FBXL7: variants seen among roughly 807,000 people sequenced by gnomAD.
FBXL7 encodes the protein F-box and leucine rich repeat protein 7, also known as F-box/LRR-repeat protein 7.
A neutral mutation model predicts 38.3 loss-of-function variants in FBXL7; 12 were observed. The observed-to-expected ratio is 0.31, with a 90% confidence interval of 0.20 to 0.51. The LOEUF is 0.51. Among genes scored for constraint, FBXL7 ranks in the 20% least tolerant of loss-of-function variants. The probability of loss-of-function intolerance (pLI) is 0.98; values close to 1 mark genes in which losing one functional copy is unlikely to be tolerated. For missense variants in FBXL7, 567 were observed against 676.4 expected (o/e 0.84, Z 1.79); for synonymous variants, 297 against 300.9 (o/e 0.99, Z 0.13).
intron 1 of FBXL7, among the ~76,000 whole-genome samples, chr5:15,561,001 CAT>C (rs1426802055): frequency 6.6e-6 from 1 of 152,154 alleles, no homozygotes; most frequent in Non-Finnish European, 1.5e-5. Flanking sequence ...AGTAAATTAA[CAT>C]ATCCATCATC....
intron 2 of FBXL7, among the ~76,000 whole-genome samples, chr5:15,636,462 A>G (rs917965044): frequency 6.6e-6 from 1 of 152,126 alleles, no homozygotes; most frequent in Admixed American, 6.6e-5. Flanking sequence ...TATTCATCGT[A>G]TCTTTCACAT....
At chr5:15,843,362 G>T (rs150898663) in intron 2 of FBXL7, among the ~76,000 whole-genome samples, 5 of 152,178 alleles carry the variant, frequency 3.3e-5, no homozygotes, top group African/African-American at 1.2e-4. Context: ...TGGCTTTCCT[G>T]TCTAAATGAA....
intron 2 of FBXL7, among the ~76,000 whole-genome samples, chr5:15,750,356 C>T (rs1213172128): frequency 3.9e-5 from 6 of 152,198 alleles, no homozygotes; most frequent in Admixed American, 2.6e-4. Context: ...CTTTCTTCCT[C>T]TTGCAGAATG....
rs139865739 is a variant in FBXL7 at position 15,677,474 on chromosome 5, A to AAGAGAGAGCGAG, written c.127+61410_127+61411insCGAGAGAGAGAG. 1.5e-3 allele frequency among the ~76,000 whole-genome samples: 219 copies of AAGAGAGAGCGAG among 149,198 alleles called. 2 individuals carry two copies. In the South Asian group the frequency reaches 0.018, roughly 12 times the overall value. On this transcript the variant is annotated intron_variant, in intron 2 of 3. Transcript: ENST00000504595. ...GCAGCAACACTCCAAAAAAGAAAGA[A>AAGAGAGAGCGAG]AGAGAGAGAGAGAGAGAAAGAAAGG...
intron 2 of FBXL7, among the ~76,000 whole-genome samples, chr5:15,837,605 T>G (rs1328792562): frequency 6.6e-6 from 1 of 152,226 alleles, no homozygotes; most frequent in Non-Finnish European, 1.5e-5. Flanking sequence ...AAATTCTAGA[T>G]AGAGCTCATT....
chr5:15,578,207 A>T (rs548071839), intron 1 of FBXL7, among the ~76,000 whole-genome samples: 1 of 152,338 alleles, frequency 6.6e-6, no homozygotes, highest in African/African-American at 2.4e-5. Context: ...AATTTCTGCA[A>T]CTTTCTGCCA....
chr5:15,600,992 A>T (rs149402381), intron 1 of FBXL7, among the ~76,000 whole-genome samples: 1 of 152,310 alleles, frequency 6.6e-6, no homozygotes, highest in African/African-American at 2.4e-5. Flanking sequence ...TATTTTCTCC[A>T]CTGTTTCCCT....
intron 2 of FBXL7, among the ~76,000 whole-genome samples, chr5:15,865,923 GC>G (rs768768342): frequency 6.6e-6 from 1 of 152,154 alleles, no homozygotes; most frequent in Non-Finnish European, 1.5e-5. Context: ...CAGGGAAAAT[GC>G]CCACATAAAG....
At chr5:15,927,370 C>T (rs905801417) in intron 2 of FBXL7, among the ~76,000 whole-genome samples, 4 of 152,024 alleles carry the variant, frequency 2.6e-5, no homozygotes, top group African/African-American at 7.2e-5. Flanking sequence ...CTGGAATGGG[C>T]GACACGTGCA....
At chr5:15,545,829 T>C (rs956007156) in intron 1 of FBXL7, among the ~76,000 whole-genome samples, 1 of 152,190 alleles carries the variant, frequency 6.6e-6, no homozygotes, top group African/African-American at 2.4e-5. Flanking sequence ...ATTAGGGCTG[T>C]AAAACCTAGT....
chr5:15,553,722 A>G (rs920039663), intron 1 of FBXL7, among the ~76,000 whole-genome samples: 4 of 151,662 alleles, frequency 2.6e-5, no homozygotes, highest in East Asian at 1.9e-4. Flanking sequence ...AAAGCAAAGG[A>G]AAAAAAAAGG....
At chr5:15,582,716 T>C (rs1739179370) in intron 1 of FBXL7, among the ~76,000 whole-genome samples, 1 of 152,244 alleles carries the variant, frequency 6.6e-6, no homozygotes, top group African/African-American at 2.4e-5. Context: ...TGAAAGACTC[T>C]GCTGCGTTTA....
chr5:15,851,355 C>A (rs1006996246), intron 2 of FBXL7, among the ~76,000 whole-genome samples: 2 of 152,152 alleles, frequency 1.3e-5, no homozygotes, highest in Non-Finnish European at 2.9e-5. Context: ...GTCAGAATCA[C>A]TCATACAATA....
At chr5:15,708,516 T>A (rs1349125261) in intron 2 of FBXL7, among the ~76,000 whole-genome samples, 1 of 152,218 alleles carries the variant, frequency 6.6e-6, no homozygotes, top group Non-Finnish European at 1.5e-5. Context: ...GAAGCTGAAC[T>A]TGAGTGCCAG....
intron 2 of FBXL7, among the ~76,000 whole-genome samples, chr5:15,814,188 C>A (rs1329116529): frequency 1.3e-5 from 2 of 152,110 alleles, no homozygotes; most frequent in African/African-American, 4.8e-5. Context: ...AAATGCCCAT[C>A]AATGATAGGC....
chr5:15,878,460 TG>T (rs1740304932), intron 2 of FBXL7, among the ~76,000 whole-genome samples: 1 of 152,158 alleles, frequency 6.6e-6, no homozygotes, highest in African/African-American at 2.4e-5. Flanking sequence ...TGGACCAGTG[TG>T]GGCTCTCGAT....
At chr5:15,674,424 T>C (rs1742584558) in intron 2 of FBXL7, among the ~76,000 whole-genome samples, 2 of 152,214 alleles carry the variant, frequency 1.3e-5, no homozygotes, top group Middle Eastern at 3.2e-3. Context: ...AAGGCACTGA[T>C]AGCAATGACC....
intron 1 of FBXL7, among the ~76,000 whole-genome samples, chr5:15,575,052 T>C (rs1738911871): frequency 6.6e-6 from 1 of 152,148 alleles, no homozygotes; most frequent in South Asian, 2.1e-4. Context: ...TGGGGAGTGC[T>C]GCTGGCATCT....
At chr5:15,652,836 T>C (rs1741755502) in intron 2 of FBXL7, among the ~76,000 whole-genome samples, 1 of 152,230 alleles carries the variant, frequency 6.6e-6, no homozygotes, top group African/African-American at 2.4e-5. Context: ...AGGGTGACTG[T>C]AGTCAAAAAT....
Sources: gnomAD v4.1 joint callset for allele counts (sites outside exome capture counted in the v4.1 genomes callset) on GRCh38, gnomAD v4.1.1 for gene constraint, MANE v1.5 for transcripts, NCBI Gene and HGNC (gene_info 2026-07-23, HGNC 2026-07-21) for gene names.